The following TENM2 variants were observed in gnomAD, a reference collection of about 807,000 sequenced individuals.
TENM2 encodes the protein teneurin transmembrane protein 2, also known as teneurin-2.
TENM2 carries 52 observed loss-of-function variants against 245.2 expected under a neutral mutation model. The observed-to-expected ratio is 0.21, with a 90% CI of 0.17 to 0.27. The LOEUF is 0.27. TENM2 is among the 10% of genes least tolerant of loss of function. TENM2 has a pLI of 1.00. For synonymous variants in TENM2, 1,363 were observed against 1,438.9 expected, an observed-to-expected ratio of 0.95 and a Z score of 1.19; for missense variants, 3,046 against 3,666.8, an observed-to-expected ratio of 0.83 and a Z score of 4.37.
intron 2 of TENM2, among the ~76,000 whole-genome samples, chr5:167,790,373 G>T (rs1365782432): frequency 1.3e-5 from 2 of 152,164 alleles, no homozygotes; most frequent in Non-Finnish European, 2.9e-5. Context: ...CCCACTGAAA[G>T]TCTGAAAGCA....
At chr5:168,146,852 G>A (rs1323632871) in intron 12 of TENM2, among the ~76,000 whole-genome samples, 3 of 152,218 alleles carry the variant, frequency 2.0e-5, no homozygotes, top group Admixed American at 6.5e-5. Flanking sequence ...CTTAATCATT[G>A]CACTTTGCCC....
chr5:167,365,424 G>T (rs1391621378), intron 1 of TENM2, among the ~76,000 whole-genome samples: 1 of 150,840 alleles, frequency 6.6e-6, no homozygotes, highest in Non-Finnish European at 1.5e-5. Flanking sequence ...AATAAGATAA[G>T]TGCAGAAATT....
chr5:167,431,768 C>T (rs1164672819), intron 2 of TENM2, among the ~76,000 whole-genome samples: 4 of 151,370 alleles, frequency 2.6e-5, no homozygotes, highest in South Asian at 4.2e-4. Context: ...TTTAAAAAGG[C>T]GTTCTCTGTT....
At chr5:167,716,020 G>A (rs1582825414) in intron 2 of TENM2, among the ~76,000 whole-genome samples, 1 of 152,326 alleles carries the variant, frequency 6.6e-6, no homozygotes, top group East Asian at 1.9e-4. Context: ...AGTTTGGAGT[G>A]AAGGTATAAT....
At chr5:167,999,401 T>C (rs79602169) in intron 5 of TENM2, among the ~76,000 whole-genome samples, 1 of 152,362 alleles carries the variant, frequency 6.6e-6, no homozygotes, top group East Asian at 1.9e-4. Context: ...ATAGATATGC[T>C]AATGTGCTCT....
the TENM2 span, among the ~76,000 whole-genome samples, chr5:167,210,585 T>TC: frequency 4.7e-5 from 7 of 149,474 alleles, no homozygotes; most frequent in African/African-American, 1.7e-4. Flanking sequence ...TGCCTCAGCC[T>TC]CCCGAGTAGC....
intron 1 of TENM2, among the ~76,000 whole-genome samples, chr5:167,367,694 G>A (rs1046388448): frequency 6.6e-6 from 1 of 151,786 alleles, no homozygotes; most frequent in African/African-American, 2.4e-5. Flanking sequence ...GTTTTAAACC[G>A]ATTATTTTGT....
chr5:167,732,557 A>G (rs765974471), intron 2 of TENM2, among the ~76,000 whole-genome samples: 1 of 152,138 alleles, frequency 6.6e-6, no homozygotes, highest in Non-Finnish European at 1.5e-5. Context: ...TTTGAATTGC[A>G]GTGGAGCTTT....
chr5:167,622,630 T>C (rs1778249804), intron 2 of TENM2, among the ~76,000 whole-genome samples: 1 of 152,044 alleles, frequency 6.6e-6, no homozygotes, highest in Non-Finnish European at 1.5e-5. Flanking sequence ...CAGGGGTGAG[T>C]ATTATTCCAG....
rs138580604 is a variant in TENM2 at position 167,916,246 on chromosome 5, T to C, written c.713-36342T>C. Among the ~76,000 whole-genome samples, 130 of 152,302 alleles carry C rather than the reference T, an allele frequency of 8.5e-4. 2 individuals carry two copies. Among genetic ancestry groups the C allele is most frequent in the East Asian group, 5.6e-3 (29 of 5,174 alleles). ...CCAGTCTGCCGCTGGAAGCAAAATA[T>C]TCTTTCTATCCTGGATGTCCAGTCT... On this transcript the variant is annotated intron_variant, in intron 3 of 28. Coordinates refer to ENST00000518659, the Ensembl canonical transcript of TENM2.
chr5:167,068,449 A>AAATT, the TENM2 span, among the ~76,000 whole-genome samples: 165 of 152,328 alleles, frequency 1.1e-3, 1 homozygote, highest in African/African-American at 3.6e-3. Flanking sequence ...AAAGCTGGTG[A>AAATT]AATTAATTGT....
intron 2 of TENM2, among the ~76,000 whole-genome samples, chr5:167,426,423 C>T (rs1763828922): frequency 6.6e-6 from 1 of 151,524 alleles, no homozygotes; most frequent in South Asian, 2.1e-4. Context: ...TAAACCTGTC[C>T]TTAATTGTCA....
At chr5:167,030,908 G>A in the TENM2 span, among the ~76,000 whole-genome samples, 1 of 152,164 alleles carries the variant, frequency 6.6e-6, no homozygotes, top group Non-Finnish European at 1.5e-5. Context: ...TATTATAACG[G>A]AAAGGCCTTC....
intron 12 of TENM2, among the ~76,000 whole-genome samples, chr5:168,154,424 C>T (rs2152431774): frequency 6.6e-6 from 1 of 152,208 alleles, no homozygotes; most frequent in East Asian, 1.9e-4. Context: ...GGGGTTTCAC[C>T]ACGTTGGCCA....
intron 5 of TENM2, among the ~76,000 whole-genome samples, chr5:168,005,458 T>G (rs1394352928): frequency 6.6e-6 from 1 of 152,224 alleles, no homozygotes; most frequent in Non-Finnish European, 1.5e-5. Flanking sequence ...CATAACACAC[T>G]ACCACTGTCT....
the TENM2 span, among the ~76,000 whole-genome samples, chr5:167,207,919 A>G: frequency 1.3e-5 from 2 of 151,964 alleles, no homozygotes; most frequent in African/African-American, 4.8e-5. Flanking sequence ...GTGCCCAGCT[A>G]ATTTTTGTAT....
chr5:167,650,745 C>T (rs28540685), intron 2 of TENM2, among the ~76,000 whole-genome samples: 8,341 of 152,124 alleles, frequency 0.055, 790 homozygotes, highest in African/African-American at 0.19. Flanking sequence ...AGAACTAAAT[C>T]AGGTATGAGC....
the TENM2 span, among the ~76,000 whole-genome samples, chr5:167,169,563 T>C: frequency 6.6e-6 from 1 of 152,202 alleles, no homozygotes; most frequent in East Asian, 1.9e-4. Context: ...CAGTGTCATT[T>C]TGAGAAATAA....
At chr5:167,984,384 G>A (rs1164767254) in intron 4 of TENM2, among the ~76,000 whole-genome samples, 1 of 152,202 alleles carries the variant, frequency 6.6e-6, no homozygotes, top group Non-Finnish European at 1.5e-5. Context: ...TTGACCCAGT[G>A]CAGTGGCTCA....
Sources: allele counts gnomAD v4.1 joint callset (sites outside exome capture counted in the v4.1 genomes callset), GRCh38; gene constraint gnomAD v4.1.1; transcripts MANE v1.5; gene names NCBI Gene and HGNC (gene_info 2026-07-23, HGNC 2026-07-21).